The following PRR12 variants were observed in gnomAD, a reference collection of about 807,000 sequenced individuals.
The protein encoded by PRR12 is proline-rich protein 12.
A neutral mutation model predicts 138.0 loss-of-function variants in PRR12; 12 were observed. That is an observed-to-expected ratio of 0.09 (90% CI 0.06 to 0.14). PRR12 has a LOEUF of 0.14. Ranked by LOEUF, PRR12 falls within the 10% of genes least tolerant of loss-of-function variation. The probability of loss-of-function intolerance (pLI) is 1.00; values close to 1 mark genes in which losing one functional copy is unlikely to be tolerated. For missense variants in PRR12, 2,692 were observed against 2,861.3 expected, an observed-to-expected ratio of 0.94 and a Z score of 1.35; for synonymous variants, 1,567 against 1,291.7, an observed-to-expected ratio of 1.21 and a Z score of -4.57.
Position 49,597,722 on chromosome 19 carries a change from C to T in PRR12, c.3387C>T (p.Arg1129=), listed in dbSNP as rs202151966. 113 of 1,608,060 alleles carry T rather than the reference C, an allele frequency of 7.0e-5. No homozygotes were observed. In the African/African-American group the frequency reaches 1.4e-3, roughly 20 times the overall value. ...RRLPDLVSSC[R]SRPALSPLGD... ...TGCCTGACCTGGTCTCCAGCTGCCG[C>T]TCCCGTCCGGCCCTCTCGCCACTGG... is the stretch of plus-strand genomic sequence containing the variant. The change falls in exon 4 of 14, where the codon CGC becomes CGT. Residue 1129 remains arginine (R), a synonymous_variant. Transcript: ENST00000418929. The surrounding 1 kb of genome is among the most constrained non-coding windows in gnomAD (Gnocchi z 6.3).
At chr19:49,617,871 G>T (rs966058401) in intron 9 of PRR12, among the ~76,000 whole-genome samples, 6 of 152,038 alleles carry the variant, frequency 3.9e-5, no homozygotes, top group Non-Finnish European at 7.4e-5. Context: ...GCCGAAGCGG[G>T]CAAATCACCT....
At chr19:49,607,412 T>C (rs1359561409) in intron 6 of PRR12, among the ~76,000 whole-genome samples, 1 of 151,374 alleles carries the variant, frequency 6.6e-6, no homozygotes. Context: ...TAAAAACTAT[T>C]AATGATGTTT....
rs368751963 is a variant in PRR12 at position 49,599,871 on chromosome 19, C to T, written c.4278C>T (p.Pro1426=). ...CCCCAGATGGGCCGCCCTTGGCCCC[C>T]GCGGCTGCAGTTCCAGGGCCACCCC... ...TSTPDGPPLA[P]AAAVPGPPPL... The change falls in exon 5 of 14, where the codon CCC becomes CCT. Residue 1426 remains proline (P), a synonymous_variant. Coordinates refer to ENST00000418929, the MANE Select transcript of PRR12 (RefSeq NM_020719.3). The surrounding 1 kb of genome is among the most constrained non-coding windows in gnomAD (Gnocchi z 5.0). 30 of 1,612,678 alleles carry T rather than the reference C, an allele frequency of 1.9e-5. No individual in the cohort carries two copies. Among genetic ancestry groups the T allele is most frequent in the South Asian group, 4.4e-5 (4 of 91,066 alleles).
Position 49,597,681 on chromosome 19 carries a change from C to T in PRR12, c.3346C>T (p.Leu1116Phe), listed in dbSNP as rs1415540452. 6.2e-7 allele frequency: 1 copy of T among 1,606,638 alleles called. No homozygotes were observed. The highest frequency in any genetic ancestry group is 1.3e-5 in the African/African-American group (1 of 74,778). The change falls in exon 4 of 14, where the codon CTC becomes TTC. Residue 1116 changes from leucine to phenylalanine, a missense_variant. Around this residue, in one of 11 missense-constraint regions of PRR12, gnomAD observed 6 missense variants for 19.6 expected, o/e 0.31. Coordinates refer to ENST00000418929, the MANE Select transcript of PRR12 (RefSeq NM_020719.3). This position sits in a 1 kb window ranked among gnomAD's most constrained non-coding sequence, Gnocchi z 6.3. Reference sequence around the variant, plus strand: ...GGCCGATGTTCCCGCCGACATCCGCCTCAACCCCCGGCGCTTGCCTGACCT... The same window carrying T: ...GGCCGATGTTCCCGCCGACATCCGCTTCAACCCCCGGCGCTTGCCTGACCT... ...DKADVPADIRLNPRRLPDLVS... is the reference protein window; with the variant it reads ...DKADVPADIRFNPRRLPDLVS...
intron 8 of PRR12, 117 bp downstream of exon 8, chr19:49,615,126 G>T: frequency 7.0e-7 from 1 of 1,438,028 alleles, no homozygotes; most frequent in South Asian, 1.3e-5. Flanking sequence ...AGGAGACAGA[G>T]CCCAGAGAGA....
chr19:49,621,175 G>A (rs2080921205), intron 10 of PRR12, among the ~76,000 whole-genome samples: 1 of 137,660 alleles, frequency 7.3e-6, no homozygotes, highest in Non-Finnish European at 1.6e-5. Context: ...TGAGGGAGGA[G>A]GGGCTGGGGC....
rs371513978 is a variant in PRR12 at position 49,625,220 on chromosome 19, C to A, written c.5964+20C>A. 1.9e-6 allele frequency: 3 copies of A among 1,605,544 alleles called. No homozygotes were observed. The African/African-American group carries it at 4.0e-5, about 21-fold the overall frequency. On this transcript the variant is annotated intron_variant, in intron 13 of 13. Transcript: ENST00000418929. This position sits in a 1 kb window ranked among gnomAD's most constrained non-coding sequence, Gnocchi z 5.5. ...GACCAGGTGAGCCCCACCCACAGCA[C>A]CCATCGCCCTGGGATTCCAACCTTT... is the stretch of plus-strand genomic sequence containing the variant.
intron 4 of PRR12, among the ~76,000 whole-genome samples, chr19:49,598,919 C>T (rs982249726): frequency 1.3e-5 from 2 of 152,154 alleles, no homozygotes; most frequent in African/African-American, 4.8e-5. Flanking sequence ...CTCAGTCTCC[C>T]AAGGTGCTGG....
chr19:49,602,122 G>A (rs2080815613), intron 6 of PRR12, among the ~76,000 whole-genome samples: 1 of 152,206 alleles, frequency 6.6e-6, no homozygotes, highest in Admixed American at 6.5e-5. Flanking sequence ...GTCTGTACAT[G>A]CATTACCTGT....
At chr19:49,617,130 C>CAAA (rs774039937) in intron 9 of PRR12, among the ~76,000 whole-genome samples, 2,286 of 75,952 alleles carry the variant, frequency 0.03, 70 homozygotes, top group African/African-American at 0.1. Flanking sequence ...GACTCCGTCT[C>CAAA]AAAAAAAAAA....
rs7256146 is a variant in PRR12, at chr19:49,625,286, A to G, written c.5964+86A>G. On this transcript the variant is annotated intron_variant, in intron 13 of 13. Transcript: ENST00000418929. This position sits in a 1 kb window ranked among gnomAD's most constrained non-coding sequence, Gnocchi z 5.5. Reference sequence around the variant, plus strand: ...GATCTGAGGGTCCAAGCCCAGCCCCATCCTGCCTCAGACCCAAGAGTTCAG... The same window carrying G: ...GATCTGAGGGTCCAAGCCCAGCCCCGTCCTGCCTCAGACCCAAGAGTTCAG... 0.28 allele frequency: 415,381 copies of G among 1,500,070 alleles called. 65,799 individuals are homozygous for G. Among genetic ancestry groups the G allele is most frequent in the African/African-American group, 0.66 (47,393 of 72,072 alleles). 92.9% of individuals were successfully genotyped at this position (1,500,070 alleles called of 1,614,324 possible).
rs202087325 is a variant in PRR12 at position 49,615,882 on chromosome 19, G to A, written c.5160G>A (p.Glu1720=). The change falls in exon 9 of 14, where the codon GAG becomes GAA. Residue 1720 remains glutamate, a synonymous_variant. Transcript: ENST00000418929. ...AGAAGCCCCCAGAGCAGACTCCTGA[G>A]ACGGCCATGCCTGAGCCCCCTGCCC... is the stretch of plus-strand genomic sequence containing the variant. ...TSEKPPEQTP[E]TAMPEPPAPE... 3.4e-3 allele frequency: 5,343 copies of A among 1,583,774 alleles called. 14 individuals carry two copies. Among genetic ancestry groups the A allele is most frequent in the Non-Finnish European group, 4.2e-3 (4,895 of 1,165,436 alleles).
At position 49,614,120 on chromosome 19, in the gene PRR12, AAAGT is replaced by A. The variant is rs1194308638; in HGVS notation, c.4774-410_4774-407del. On this transcript the variant is annotated intron_variant, in intron 6 of 13. Transcript: ENST00000418929. This position sits in a 1 kb window ranked among gnomAD's most constrained non-coding sequence, Gnocchi z 5.0. ...GCAAAACTCCGTCTCAAAAAAAGAA[AAAGT>A]AAAAAGAGAATTATGTGGGGGGACA... Among the ~76,000 whole-genome samples the A allele has an allele frequency of 1.3e-5, 2 of 152,184 alleles. No individual in the cohort carries two copies. Among genetic ancestry groups the A allele is most frequent in the African/African-American group, 2.4e-5 (1 of 41,440 alleles).
rs759311383 is a variant in PRR12, at chr19:49,598,018, G to A, written c.3678+5G>A. The stretch of plus-strand genomic sequence containing the variant: ...GAGCCCCTGAAGCCACTTAAGGTGA[G>A]GGGAAATGGGGTCTTGTAGGGGATA... On this transcript the variant is annotated splice_donor_5th_base_variant and intron_variant, in intron 4 of 13. Transcript: ENST00000418929. The A allele has an allele frequency of 3.5e-5, 47 of 1,360,018 alleles. No homozygotes were observed. In the South Asian group the frequency reaches 9.7e-4, roughly 28 times the overall value. The allele number at this position is 1,360,018 out of a possible 1,614,324, so 84.2% of individuals were successfully genotyped here. A position where few individuals can be genotyped will look rare whatever the true frequency, so the allele number is the denominator to read the frequency against.
intron 10 of PRR12, among the ~76,000 whole-genome samples, chr19:49,620,721 T>C (rs1489995480): frequency 7.9e-6 from 1 of 126,268 alleles, no homozygotes; most frequent in Non-Finnish European, 1.7e-5. Context: ...CTCCTGGGTC[T>C]GAGGGAGAAG....
At position 49,614,126 on chromosome 19, in the gene PRR12, A is replaced by ACCC. The variant is rs1237878652; in HGVS notation, c.4774-407_4774-406insCCC. On this transcript the variant is annotated intron_variant, in intron 6 of 13. Coordinates refer to ENST00000418929, the MANE Select transcript of PRR12 (RefSeq NM_020719.3). This position sits in a 1 kb window ranked among gnomAD's most constrained non-coding sequence, Gnocchi z 5.0. ...CTCCGTCTCAAAAAAAGAAAAAGTAAAAAGAGAATTATGTGGGGGGACAGT... is the reference window on the plus strand; with the variant it reads ...CTCCGTCTCAAAAAAAGAAAAAGTAACCCAAAGAGAATTATGTGGGGGGACAGT... 1.3e-5 allele frequency among the ~76,000 whole-genome samples: 2 copies of ACCC among 152,116 alleles called. No homozygotes were observed. Among genetic ancestry groups the ACCC allele is most frequent in the African/African-American group, 2.4e-5 (1 of 41,424 alleles).
chr19:49,596,712 G>A lies in PRR12; in HGVS notation c.2377G>A (p.Val793Met), dbSNP rs373291461. 3.5e-5 allele frequency: 57 copies of A among 1,606,028 alleles called. No homozygotes were observed. The highest frequency in any genetic ancestry group is 4.7e-5 in the Non-Finnish European group (56 of 1,179,156). Residue 793 changes from valine to methionine, a missense_variant, in exon 4 of 14, where the codon GTG (valine) becomes ATG (methionine). Val to Met is a conservative substitution (Grantham distance 21). Transcript: ENST00000418929. The surrounding 1 kb of genome is among the most constrained non-coding windows in gnomAD (Gnocchi z 5.6). ...LEAGGPDLPL[V>M]LPPPPPQLLP... ...GGCCGGGGGCCCTGACCTCCCACTGGTGCTGCCTCCGCCTCCCCCCCAGCT... is the reference window on the plus strand; with the variant it reads ...GGCCGGGGGCCCTGACCTCCCACTGATGCTGCCTCCGCCTCCCCCCCAGCT...
Position 49,593,387 on chromosome 19 carries a change from C to A in PRR12, c.147C>A (p.Ala49=), listed in dbSNP as rs2080742306. Residue 49 remains alanine, a synonymous_variant, in exon 2 of 14, where the codon GCC becomes GCA. Coordinates refer to ENST00000418929, the MANE Select transcript of PRR12 (RefSeq NM_020719.3). The part of the protein sequence containing the change: ...HPETDILHRQ[A]YAAPHPLQSY... ...AGACGGACATCTTACACCGCCAGGC[C>A]TATGCGGCCCCCCACCCACTGCAAA... 2 of 1,612,460 alleles carry A rather than the reference C, an allele frequency of 1.2e-6. No individual in the cohort carries two copies. The highest frequency in any genetic ancestry group is 1.7e-6 in the Non-Finnish European group (2 of 1,179,382).
In PRR12 at chr19:49,596,414, A is replaced by C. The variant is rs373893428; in HGVS notation, c.2079A>C (p.Glu693Asp). 4.8e-5 allele frequency: 77 copies of C among 1,608,902 alleles called. 1 individual carries two copies. In the African/African-American group the frequency reaches 8.8e-4, roughly 18 times the overall value. ...GTACACCCTACGAGTTGGCCAAGGA[A>C]GACCCCCAGAGGTACCACCTGCAGA... ...PPGTPYELAK[E>D]DPQRYHLQSV... Residue 693 changes from glutamate to aspartate, a missense_variant, in exon 4 of 14, where the codon GAA (glutamate) becomes GAC (aspartate). This residue lies in a region of PRR12 where 840 missense variants were observed against 689.8 expected (regional missense o/e 1.22). Transcript: ENST00000418929. This position sits in a 1 kb window ranked among gnomAD's most constrained non-coding sequence, Gnocchi z 5.6.
Sources: allele counts gnomAD v4.1 joint callset (sites outside exome capture counted in the v4.1 genomes callset), GRCh38; gene constraint gnomAD v4.1.1; regional missense constraint gnomAD v4.1.1; non-coding constraint Gnocchi (gnomAD v3.1); transcripts MANE v1.5; gene names NCBI Gene and HGNC (gene_info 2026-07-23, HGNC 2026-07-21).